Variants in DNAJC12 observed in about 807,000 individuals in gnomAD.
The protein encoded by DNAJC12 is DnaJ heat shock protein family (Hsp40) member C12, also known as dnaJ homolog subfamily C member 12.
A neutral mutation model predicts 28.5 loss-of-function variants in DNAJC12; 25 were observed. That is an observed-to-expected ratio of 0.88 (90% CI 0.64 to 1.22). The LOEUF (loss-of-function observed/expected upper bound fraction) is 1.22. Among genes scored for constraint, DNAJC12 ranks in the 50% most tolerant of loss-of-function variants. The pLI is 0.00. For missense variants in DNAJC12, 222 were observed against 231.7 expected (o/e 0.96, Z 0.27); for synonymous variants, 77 against 80.6 (o/e 0.95, Z 0.24).
intron 3 of DNAJC12, among the ~76,000 whole-genome samples, chr10:67,809,506 T>C (rs1841837755): frequency 6.6e-6 from 1 of 152,106 alleles, no homozygotes; most frequent in African/African-American, 2.4e-5. Context: ...CCAATTAAAC[T>C]AGCAGGAGGA....
chr10:67,797,350 T>C (rs867071695), intron 4 of DNAJC12, 140 bp from the exon 5 acceptor site: 3 of 622,804 alleles, frequency 4.8e-6, no homozygotes, highest in Middle Eastern at 3.9e-4. Context: ...ATTAACATCT[T>C]AGAGAAATGG....
chr10:67,824,291 T>C (rs1224497368), intron 1 of DNAJC12, among the ~76,000 whole-genome samples: 1 of 151,706 alleles, frequency 6.6e-6, no homozygotes, highest in Non-Finnish European at 1.5e-5. Context: ...AGGTTTCTCC[T>C]AGTAATATAT....
intron 4 of DNAJC12, among the ~76,000 whole-genome samples, chr10:67,797,807 A>ATG (rs1841690594): frequency 6.6e-6 from 1 of 151,984 alleles, no homozygotes; most frequent in South Asian, 2.1e-4. Flanking sequence ...TTGGGAGGCC[A>ATG]AGGCGGGCGG....
At chr10:67,809,636 A>G (rs140601113) in intron 3 of DNAJC12, among the ~76,000 whole-genome samples, 41 of 152,262 alleles carry the variant, frequency 2.7e-4, no homozygotes, top group African/African-American at 9.9e-4. Context: ...GGATATATAC[A>G]CCATGGAATA....
intron 3 of DNAJC12, among the ~76,000 whole-genome samples, chr10:67,810,436 AATTCCC>A (rs1564859968): frequency 6.6e-6 from 1 of 152,204 alleles, no homozygotes; most frequent in Non-Finnish European, 1.5e-5. Context: ...TCCCAAAGGA[AATTCCC>A]AAGATATGAT....
rs1313986687 is a variant in DNAJC12, at chr10:67,819,753, A to G, written c.157+3561T>C. ...AAGGAAGGAAGGAAGGAAGGAAGGA[A>G]GGAAGGAAGGAAGGAAGGAAGGAAG... On this transcript the variant is annotated intron_variant, in intron 2 of 4. Transcript: ENST00000225171. Among the ~76,000 whole-genome samples, 160 of 20,418 alleles carry G rather than the reference A, an allele frequency of 7.8e-3. 6 individuals carry two copies. Among genetic ancestry groups the G allele is most frequent in the African/African-American group, 0.026 (147 of 5,744 alleles). The allele number at this position is 20,418 out of a possible 152,430, so 13.4% of individuals were successfully genotyped here.
intron 1 of DNAJC12, among the ~76,000 whole-genome samples, chr10:67,824,608 C>T (rs1842011639): frequency 6.6e-6 from 1 of 152,022 alleles, no homozygotes; most frequent in South Asian, 2.1e-4. Context: ...CATCTAATTC[C>T]TATTATCATG....
chr10:67,810,208 A>G (rs10997820), intron 3 of DNAJC12, among the ~76,000 whole-genome samples: 25,786 of 152,004 alleles, frequency 0.17, 2,378 homozygotes, highest in African/African-American at 0.24. Flanking sequence ...ATCAGATCTC[A>G]TGAGAACTCA....
intron 2 of DNAJC12, among the ~76,000 whole-genome samples, chr10:67,812,234 G>A (rs1173989446): frequency 6.6e-6 from 1 of 152,128 alleles, no homozygotes; most frequent in African/African-American, 2.4e-5. Context: ...AGTAGTAATT[G>A]CCAGTGTGGC....
chr10:67,799,878 C>CAAAAAA (rs56055620), intron 4 of DNAJC12, among the ~76,000 whole-genome samples: 2,938 of 128,214 alleles, frequency 0.023, 104 homozygotes, highest in South Asian at 0.042. Flanking sequence ...GCGAGACTGT[C>CAAAAAA]AAAAAAAAAA....
chr10:67,835,458 G>A (rs1842133126), intron 1 of DNAJC12, among the ~76,000 whole-genome samples: 2 of 152,114 alleles, frequency 1.3e-5, no homozygotes, highest in East Asian at 1.9e-4. Context: ...TTAGGAGGCC[G>A]AGGTAGGCAG....
At position 67,802,946 on chromosome 10, in the gene DNAJC12, CCCA is replaced by C. The variant is rs1242779639; in HGVS notation, c.502+2634_502+2636del. On this transcript the variant is annotated intron_variant, in intron 4 of 4. Transcript: ENST00000225171. ...GCTCACTGCAGCCTCAACATCCCCC[CCCA>C]CACACACACCCGGGCTCAAGTAACG... Among the ~76,000 whole-genome samples, 5 of 151,236 alleles carry C rather than the reference CCCA, an allele frequency of 3.3e-5. No homozygotes were observed. The East Asian group carries it at 9.7e-4, about 29-fold the overall frequency.
chr10:67,835,306 G>A (rs1450595981), intron 1 of DNAJC12, among the ~76,000 whole-genome samples: 1 of 152,078 alleles, frequency 6.6e-6, no homozygotes, highest in Non-Finnish European at 1.5e-5. Flanking sequence ...CTGAAGTAAA[G>A]GCAATCTATC....
At chr10:67,813,112 T>C (rs887685014) in intron 2 of DNAJC12, among the ~76,000 whole-genome samples, 5 of 152,210 alleles carry the variant, frequency 3.3e-5, no homozygotes, top group African/African-American at 1.2e-4. Context: ...GATTAGATCA[T>C]GAGGGTGGAA....
intron 1 of DNAJC12, among the ~76,000 whole-genome samples, chr10:67,830,565 G>C (rs1842083264): frequency 6.6e-6 from 1 of 150,826 alleles, no homozygotes; most frequent in African/African-American, 2.4e-5. Context: ...CTGAGATCCC[G>C]CCACTGCACT....
At chr10:67,812,048 T>TA (rs1564860587) in intron 2 of DNAJC12, among the ~76,000 whole-genome samples, 1 of 152,056 alleles carries the variant, frequency 6.6e-6, no homozygotes, top group Non-Finnish European at 1.5e-5. Context: ...GGGCAGTAAT[T>TA]AGGCAAGAGG....
chr10:67,824,054 G>A (rs539648801), intron 1 of DNAJC12, among the ~76,000 whole-genome samples: 49 of 152,038 alleles, frequency 3.2e-4, no homozygotes, highest in Non-Finnish European at 6.0e-4. Context: ...TAGCCAACAC[G>A]GTGAAACCCC....
At chr10:67,833,263 C>A (rs1842110814) in intron 1 of DNAJC12, among the ~76,000 whole-genome samples, 1 of 152,160 alleles carries the variant, frequency 6.6e-6, no homozygotes, top group Admixed American at 6.5e-5. Context: ...TGGAAGACAG[C>A]CAAGATCATT....
intron 2 of DNAJC12, among the ~76,000 whole-genome samples, chr10:67,814,052 T>C (rs1841889750): frequency 7.3e-6 from 1 of 136,704 alleles, no homozygotes; most frequent in Non-Finnish European, 1.6e-5. Flanking sequence ...AAAAAAAAAC[T>C]CTTGAAAAAA....
Sources: gnomAD v4.1 joint callset for allele counts (sites outside exome capture counted in the v4.1 genomes callset) on GRCh38, gnomAD v4.1.1 for gene constraint, MANE v1.5 for transcripts, NCBI Gene and HGNC (gene_info 2026-07-23, HGNC 2026-07-21) for gene names.